Variants in HOMER1 observed in about 807,000 individuals in gnomAD.
The protein encoded by HOMER1 is homer scaffold protein 1.
In HOMER1, 3 loss-of-function variants were observed where a neutral mutation model predicts 48.9. That is an observed-to-expected ratio of 0.06 (90% CI 0.03 to 0.16). HOMER1 has a LOEUF of 0.16. HOMER1 is among the 10% of genes least tolerant of loss of function. The pLI, the probability that HOMER1 is intolerant of heterozygous loss-of-function variation, is 1.00. For synonymous variants in HOMER1, 134 were observed against 146.4 expected, an observed-to-expected ratio of 0.92 and a Z score of 0.61; for missense variants, 247 against 411.4, an observed-to-expected ratio of 0.60 and a Z score of 3.46.
intron 1 of HOMER1, among the ~76,000 whole-genome samples, chr5:79,478,067 T>C (rs1488903972): frequency 2.0e-5 from 3 of 152,204 alleles, no homozygotes; most frequent in Non-Finnish European, 4.4e-5. Flanking sequence ...AGAAATGGCA[T>C]TTTAACAAGA....
intron 1 of HOMER1, among the ~76,000 whole-genome samples, chr5:79,506,332 C>T (rs1243770186): frequency 6.6e-6 from 1 of 152,098 alleles, no homozygotes; most frequent in African/African-American, 2.4e-5. Context: ...AAACAAACAG[C>T]ATTGATTCTT....
chr5:79,416,581 C>T (rs1163140431), intron 5 of HOMER1, among the ~76,000 whole-genome samples: 1 of 152,214 alleles, frequency 6.6e-6, no homozygotes, highest in Non-Finnish European at 1.5e-5. Context: ...TTTCTATGTG[C>T]TGATGGGCAG....
chr5:79,459,100 T>C (rs970894988), intron 1 of HOMER1, among the ~76,000 whole-genome samples: 3 of 152,216 alleles, frequency 2.0e-5, no homozygotes, highest in African/African-American at 7.2e-5. Context: ...ACTCGATTAC[T>C]TGATTTTTTT....
intron 5 of HOMER1, among the ~76,000 whole-genome samples, chr5:79,436,151 A>T (rs1750578527): frequency 6.6e-6 from 1 of 151,694 alleles, no homozygotes; most frequent in East Asian, 1.9e-4. Flanking sequence ...TAAATAAATA[A>T]AAATAAATAA....
At chr5:79,508,702 C>A (rs534502882) in intron 1 of HOMER1, among the ~76,000 whole-genome samples, 1 of 152,348 alleles carries the variant, frequency 6.6e-6, no homozygotes, top group African/African-American at 2.4e-5. Flanking sequence ...ACCTCCTCTA[C>A]AAAGCCTTTT....
intron 8 of HOMER1, among the ~76,000 whole-genome samples, chr5:79,396,300 AT>A (rs1482506522): frequency 1.4e-4 from 21 of 151,726 alleles, no homozygotes; most frequent in African/African-American, 4.3e-4. Flanking sequence ...TTGTAAAATA[AT>A]AATAATAATA....
At chr5:79,468,951 G>A (rs4235712) in intron 1 of HOMER1, among the ~76,000 whole-genome samples, 4 of 152,024 alleles carry the variant, frequency 2.6e-5, no homozygotes, top group Non-Finnish European at 5.9e-5. Flanking sequence ...CCATCTGAGC[G>A]CAACAAATTG....
chr5:79,455,245 A>AGAAGCTACATGCT (rs1751138089), intron 2 of HOMER1, among the ~76,000 whole-genome samples: 1 of 152,058 alleles, frequency 6.6e-6, no homozygotes. Flanking sequence ...CCCTGCATGC[A>AGAAGCTACATGCT]GAAGCTAAAT....
At chr5:79,402,656 C>T (rs928829165) in intron 5 of HOMER1, among the ~76,000 whole-genome samples, 2 of 152,102 alleles carry the variant, frequency 1.3e-5, no homozygotes, top group African/African-American at 4.8e-5. Flanking sequence ...TCCACCCATT[C>T]TCTTTTAAGG....
chr5:79,507,697 A>G (rs189774157), intron 1 of HOMER1, among the ~76,000 whole-genome samples: 119 of 135,840 alleles, frequency 8.8e-4, no homozygotes, highest in African/African-American at 3.8e-3. Context: ...TACTTCAACT[A>G]AACACTAAAG....
chr5:79,414,055 T>A (rs1580433911), intron 5 of HOMER1, among the ~76,000 whole-genome samples: 2 of 152,208 alleles, frequency 1.3e-5, no homozygotes, highest in East Asian at 3.9e-4. Context: ...GATCCTCTCA[T>A]CAGATGTTTA....
chr5:79,465,514 A>C (rs985295088), intron 1 of HOMER1, among the ~76,000 whole-genome samples: 2 of 151,342 alleles, frequency 1.3e-5, no homozygotes, highest in East Asian at 3.9e-4. Flanking sequence ...TAAAATTTCC[A>C]TTTGGAAATT....
intron 6 of HOMER1, among the ~76,000 whole-genome samples, chr5:79,401,128 T>G (rs890440657): frequency 6.6e-6 from 1 of 151,984 alleles, no homozygotes; most frequent in Non-Finnish European, 1.5e-5. Flanking sequence ...AATTTTCTAC[T>G]TGTATTTTTC....
intron 1 of HOMER1, among the ~76,000 whole-genome samples, chr5:79,498,333 T>C (rs944920811): frequency 6.6e-6 from 1 of 151,866 alleles, no homozygotes; most frequent in Non-Finnish European, 1.5e-5. Flanking sequence ...GAAGCGGAGG[T>C]TGCAGTGAGC....
In HOMER1 at chr5:79,375,767, T is replaced by A. The variant is rs917520959; in HGVS notation, c.*242A>T. 5 of 346,032 alleles carry A rather than the reference T, an allele frequency of 1.4e-5. No homozygotes were observed. The highest frequency in any genetic ancestry group is 1.1e-4 in the African/African-American group (5 of 47,444). 21.4% of individuals were successfully genotyped at this position (346,032 alleles called of 1,614,324 possible). On this transcript the variant is annotated 3_prime_UTR_variant, in exon 9 of 9. Coordinates refer to ENST00000334082, the MANE Select transcript of HOMER1 (RefSeq NM_004272.5). ...TAACTTTCTAGTTAACTATGGCCAA[T>A]AATATACATGGAGGTAATTTGTAGT...
rs113947706 is a variant in HOMER1, at chr5:79,496,048, T to C, written c.5+16722A>G. On this transcript the variant is annotated intron_variant, in intron 1 of 8. Coordinates refer to ENST00000334082, the MANE Select transcript of HOMER1 (RefSeq NM_004272.5). Reference sequence around the variant, plus strand: ...TTCTTAAGTAACTTTAATACAGTTTTCAAAATGTATTAAAGATGGAAAATA... The same window carrying C: ...TTCTTAAGTAACTTTAATACAGTTTCCAAAATGTATTAAAGATGGAAAATA... Among the ~76,000 whole-genome samples, 266 of 152,278 alleles carry C rather than the reference T, an allele frequency of 1.7e-3. 2 individuals are homozygous for C. The highest frequency in any genetic ancestry group is 6.1e-3 in the African/African-American group (252 of 41,556).
At chr5:79,380,384 T>C (rs563495188) in intron 8 of HOMER1, among the ~76,000 whole-genome samples, 4 of 152,344 alleles carry the variant, frequency 2.6e-5, no homozygotes, top group East Asian at 1.9e-4. Flanking sequence ...AACAGTGCTG[T>C]AGCTAAGGCT....
chr5:79,432,495 C>T (rs143364774), intron 5 of HOMER1, among the ~76,000 whole-genome samples: 4 of 152,256 alleles, frequency 2.6e-5, no homozygotes, highest in South Asian at 2.1e-4. Context: ...AGGGTCTAAT[C>T]GCCATTGGAG....
Position 79,373,354 on chromosome 5 carries a change from T to C in HOMER1, c.*2655A>G, listed in dbSNP as rs1051326621. On this transcript the variant is annotated 3_prime_UTR_variant, in exon 9 of 9. Transcript: ENST00000334082. Reference sequence around the variant, plus strand: ...TACAAGATTCAATAGTTATCACATATTAACTTATACACAATGGGATCAACC... The same window carrying C: ...TACAAGATTCAATAGTTATCACATACTAACTTATACACAATGGGATCAACC... 6.6e-6 allele frequency: 1 copy of C among 151,960 alleles called. No homozygotes were observed. Among genetic ancestry groups the C allele is most frequent in the Non-Finnish European group, 1.5e-5 (1 of 67,914 alleles). The allele number at this position is 151,960 out of a possible 1,614,324, so 9.4% of individuals were successfully genotyped here. A position where few individuals can be genotyped will look rare whatever the true frequency, so the allele number is the denominator to read the frequency against.
Sources: allele counts gnomAD v4.1 joint callset (sites outside exome capture counted in the v4.1 genomes callset), GRCh38; gene constraint gnomAD v4.1.1; transcripts MANE v1.5; gene names NCBI Gene and HGNC (gene_info 2026-07-23, HGNC 2026-07-21).